ENOSF1: variants seen among roughly 807,000 people sequenced by gnomAD.
ENOSF1 encodes enolase superfamily member 1, also known as mitochondrial enolase superfamily member 1.
A neutral mutation model predicts 68.2 loss-of-function variants in ENOSF1; 73 were observed. The ratio of observed to expected loss-of-function variants is 1.07; its 90% CI spans 0.89 to 1.30. The LOEUF is 1.30. Ranked by LOEUF, ENOSF1 falls within the 50% of genes most tolerant of loss-of-function variation. The pLI, the probability that ENOSF1 is intolerant of heterozygous loss-of-function variation, is 0.00. For synonymous variants in ENOSF1, 223 were observed against 210.4 expected (o/e 1.06, Z -0.52); for missense variants, 589 against 554.5 (o/e 1.06, Z -0.62).
At chr18:675,248 G>A in intron 15 of ENOSF1, 73 bp downstream of exon 15, 1 of 1,137,974 alleles carries the variant, frequency 8.8e-7, no homozygotes, top group Non-Finnish European at 1.3e-6. Flanking sequence ...GTGCTCCACA[G>A]TCTAGTTCAC....
chr18:707,935 C>T (rs2145493289), intron 1 of ENOSF1, among the ~76,000 whole-genome samples: 1 of 152,066 alleles, frequency 6.6e-6, no homozygotes, highest in South Asian at 2.1e-4. Context: ...TCTTGGCTCA[C>T]TGCAACCTCT....
intron 9 of ENOSF1, chr18:687,009 CAGAT>C (rs142072783): frequency 0.2 from 30,671 of 152,106 alleles, 3,381 homozygotes; most frequent in Admixed American, 0.27. Context: ...TCTGACTCAC[CAGAT>C]ACACTGCTGC....
chr18:698,935 T>C (rs2078034206), intron 2 of ENOSF1, among the ~76,000 whole-genome samples: 2 of 152,160 alleles, frequency 1.3e-5, no homozygotes, highest in Non-Finnish European at 2.9e-5. Context: ...CACTGTAATC[T>C]TGAATGCCTA....
In ENOSF1 at chr18:691,060, C is replaced by A. The variant is rs368666656; in HGVS notation, c.535+8G>T. ...AAAAACAATGAAGAAAATTTTCTTA[C>A]AACCCACCTCTTTCTTTTTTACCAA... is the stretch of plus-strand genomic sequence containing the variant. On this transcript the variant is annotated splice_region_variant and intron_variant, in intron 7 of 15. Transcript: ENST00000647584. 5.8e-5 allele frequency: 94 copies of A among 1,614,042 alleles called. No homozygotes were observed. In the African/African-American group the frequency reaches 1.0e-3, roughly 18 times the overall value.
downstream of ENOSF1, among the ~76,000 whole-genome samples, chr18:667,507 ATGGTGATGGTGATGGT>A (rs1446704697): frequency 4.9e-4 from 30 of 61,482 alleles, 3 homozygotes; most frequent in African/African-American, 6.9e-4. Flanking sequence ...GGAGATGGTG[ATGGTGATGGTGATGGT>A]GATGGAGATG....
chr18:686,313 C>A, intron 9 of ENOSF1: 11 of 317,212 alleles, frequency 3.5e-5, no homozygotes, highest in Admixed American at 9.1e-5. Context: ...GAATTAAGAA[C>A]AAAAAAGCCA....
At chr18:710,030 G>A (rs559484020) in intron 1 of ENOSF1, among the ~76,000 whole-genome samples, 6 of 152,324 alleles carry the variant, frequency 3.9e-5, no homozygotes, top group African/African-American at 1.4e-4. Context: ...CAATACAGGT[G>A]TTAGATAATG....
At chr18:702,927 C>T (rs753191578) in intron 2 of ENOSF1, among the ~76,000 whole-genome samples, 2 of 152,098 alleles carry the variant, frequency 1.3e-5, no homozygotes, top group Non-Finnish European at 2.9e-5. Context: ...TTCACAGTAA[C>T]CCTATTTTTT....
intron 9 of ENOSF1, 112 bp downstream of exon 9, chr18:688,462 G>A: frequency 7.1e-7 from 1 of 1,412,276 alleles, no homozygotes; most frequent in South Asian, 1.2e-5. Flanking sequence ...ATGAGCCAGG[G>A]GGATCCTAGC....
chr18:675,237 G>T, intron 15 of ENOSF1, 84 bp downstream of exon 15: 1 of 1,015,578 alleles, frequency 9.8e-7, no homozygotes, highest in Non-Finnish European at 1.5e-6. Context: ...GTCAAAGCTT[G>T]GTGCTCCACA....
chr18:697,453 G>A, intron 2 of ENOSF1, 98 bp from the exon 3 acceptor site: 1 of 1,031,998 alleles, frequency 9.7e-7, no homozygotes, highest in South Asian at 1.4e-5. Flanking sequence ...AAAGTTTTAT[G>A]AAAAAATTAA....
rs541821042 is a variant in ENOSF1, at chr18:711,980, C to T, written c.84+524G>A. Among the ~76,000 whole-genome samples the T allele has an allele frequency of 5.9e-5, 9 of 152,290 alleles. No individual in the cohort carries two copies. In the South Asian group the frequency reaches 1.0e-3, roughly 18 times the overall value. On this transcript the variant is annotated intron_variant, in intron 1 of 15. Coordinates refer to ENST00000647584, the MANE Select transcript of ENOSF1 (RefSeq NM_017512.7). ...CTCAAAACTCCCAGCCCCGGGCTTC[C>T]CGTTCTCCCTCAGCGCCAACCCCGT...
In ENOSF1 at chr18:672,232, C is replaced by G. The variant is rs1354993779; in HGVS notation, c.*2073G>C. ...GCTTCATGAGCCTTAAGGAAAAAAA[C>G]TCAGAACCAGACACTTTTTAGCCCC... On this transcript the variant is annotated 3_prime_UTR_variant, in exon 16 of 16. Coordinates refer to ENST00000647584, the MANE Select transcript of ENOSF1 (RefSeq NM_017512.7). 2 of 152,166 alleles carry G rather than the reference C, an allele frequency of 1.3e-5. No individual in the cohort carries two copies. Among genetic ancestry groups the G allele is most frequent in the Non-Finnish European group, 2.9e-5 (2 of 68,048 alleles). The allele number at this position is 152,166 out of a possible 1,614,324, so 9.4% of individuals were successfully genotyped here.
downstream of ENOSF1, among the ~76,000 whole-genome samples, chr18:668,513 CGT>C (rs2074903240): frequency 6.6e-6 from 1 of 152,050 alleles, no homozygotes; most frequent in South Asian, 2.1e-4. Context: ...CCAAGTCAGT[CGT>C]GTGTTGAGCT....
chr18:700,620 C>T (rs911540565), intron 2 of ENOSF1, among the ~76,000 whole-genome samples: 1 of 152,106 alleles, frequency 6.6e-6, no homozygotes, highest in African/African-American at 2.4e-5. Context: ...CACGGTGGCT[C>T]ATGCCTGTAA....
intron 9 of ENOSF1, chr18:687,408 A>G (rs1868254292): frequency 6.6e-6 from 1 of 152,194 alleles, no homozygotes; most frequent in Admixed American, 6.5e-5. Context: ...ATTCCCAGGC[A>G]GCGGGTCTGG....
At chr18:664,308 GCTCT>G in the ENOSF1 span, among the ~76,000 whole-genome samples, 1 of 150,216 alleles carries the variant, frequency 6.7e-6, no homozygotes, top group Admixed American at 6.6e-5. Context: ...TCATGATTTG[GCTCT>G]CTGTTTGTCT....
At chr18:694,560 G>A (rs962528025) in intron 3 of ENOSF1, among the ~76,000 whole-genome samples, 13 of 151,568 alleles carry the variant, frequency 8.6e-5, no homozygotes, top group African/African-American at 2.7e-4. Flanking sequence ...CCCAGAAGGC[G>A]GAGGTTGCAG....
At chr18:701,884 C>T (rs2078391185) in intron 2 of ENOSF1, among the ~76,000 whole-genome samples, 1 of 151,552 alleles carries the variant, frequency 6.6e-6, no homozygotes, top group Admixed American at 6.6e-5. Context: ...CACACCACTG[C>T]ACTCCAGCCT....
Sources: gnomAD v4.1 joint callset for allele counts (sites outside exome capture counted in the v4.1 genomes callset) on GRCh38, gnomAD v4.1.1 for gene constraint, MANE v1.5 for transcripts, NCBI Gene and HGNC (gene_info 2026-07-23, HGNC 2026-07-21) for gene names.